Variants in SPATA7 observed in about 807,000 individuals in gnomAD.
SPATA7 encodes spermatogenesis-associated protein 7.
A neutral mutation model predicts 51.8 loss-of-function variants in SPATA7; 43 were observed. The observed-to-expected ratio is 0.83, with a 90% CI of 0.65 to 1.07. The LOEUF (loss-of-function observed/expected upper bound fraction) is 1.07, where lower values mean the gene tolerates loss of function less well. Ranked by LOEUF, SPATA7 falls within the 50% of genes least tolerant of loss-of-function variation. The pLI is 0.00. For missense variants in SPATA7, 683 were observed against 701.3 expected, an observed-to-expected ratio of 0.97 and a Z score of 0.30; for synonymous variants, 230 against 252.8, an observed-to-expected ratio of 0.91 and a Z score of 0.86.
intron 10 of SPATA7, among the ~76,000 whole-genome samples, chr14:88,435,335 G>A (rs914041009): frequency 1.1e-4 from 16 of 151,994 alleles, no homozygotes; most frequent in African/African-American, 3.4e-4. Context: ...TATTTAAGGG[G>A]TACATGAGAT....
intron 4 of SPATA7, among the ~76,000 whole-genome samples, chr14:88,461,338 G>A (rs1461021235): frequency 6.6e-6 from 1 of 152,180 alleles, no homozygotes; most frequent in Non-Finnish European, 1.5e-5. Context: ...AGGCCTCCTT[G>A]AGCTGTGGTG....
chr14:88,459,204 T>G (rs1236857139), downstream of SPATA7, among the ~76,000 whole-genome samples: 1 of 152,212 alleles, frequency 6.6e-6, no homozygotes, highest in African/African-American at 2.4e-5. Flanking sequence ...TTCTGTTGAT[T>G]TGTGGTGGAG....
intron 4 of SPATA7, among the ~76,000 whole-genome samples, chr14:88,461,059 T>C (rs1385823904): frequency 6.6e-6 from 1 of 152,206 alleles, no homozygotes; most frequent in Non-Finnish European, 1.5e-5. Flanking sequence ...TGCCTGATCG[T>C]TCCTCTGGAA....
rs1172159137 is a variant in SPATA7, at chr14:88,393,435, A to G, written c.137A>G (p.Gln46Arg). The G allele has an allele frequency of 6.2e-7, 1 of 1,605,760 alleles. No individual in the cohort carries two copies. Among genetic ancestry groups the G allele is most frequent in the African/African-American group, 1.3e-5 (1 of 74,932 alleles). Residue 46 changes from glutamine to arginine, a missense_variant, in exon 3 of 12, where the codon CAG becomes CGG. By Grantham distance (43) the Gln-to-Arg change is conservative. Coordinates refer to ENST00000393545, the MANE Select transcript of SPATA7 (RefSeq NM_018418.5). ...TCTTCTCTCAGACTAAGCACTCTCC[A>G]GCTGGTCAAGAATCACATGGCTGTT... ...DSSSLRLSTL[Q>R]LVKNHMAVHY...
At chr14:88,448,150 A>G (rs1381014244) in intron 3 of SPATA7, among the ~76,000 whole-genome samples, 2 of 152,074 alleles carry the variant, frequency 1.3e-5, no homozygotes, top group East Asian at 3.9e-4. Context: ...GTCTTTTCAC[A>G]TAGTCCCATA....
intron 5 of SPATA7, among the ~76,000 whole-genome samples, chr14:88,418,611 A>G (rs1295847654): frequency 6.6e-6 from 1 of 152,098 alleles, no homozygotes; most frequent in Non-Finnish European, 1.5e-5. Context: ...AGTAGCTGGG[A>G]CTACAGGTGC....
intron 4 of SPATA7, among the ~76,000 whole-genome samples, chr14:88,415,537 AT>A (rs1008221448): frequency 2.0e-5 from 3 of 151,628 alleles, no homozygotes; most frequent in Admixed American, 6.6e-5. Flanking sequence ...AAATAAAAAA[AT>A]TAAAAAGTGG....
At chr14:88,468,872 C>G (rs762394070) in intron 4 of SPATA7, 2 of 1,612,900 alleles carry the variant, frequency 1.2e-6, no homozygotes, top group Non-Finnish European at 1.7e-6. Flanking sequence ...CTTCCCCAGC[C>G]TCATTTCCAC....
intron 4 of SPATA7, chr14:88,468,312 G>A (rs1460137123): frequency 2.0e-6 from 3 of 1,509,580 alleles, no homozygotes; most frequent in Non-Finnish European, 1.8e-6. Flanking sequence ...CCCCTGGGGA[G>A]ACAGAAAGGA....
chr14:88,468,336 G>C, intron 4 of SPATA7: 1 of 1,430,902 alleles, frequency 7.0e-7, no homozygotes. Flanking sequence ...GAGGACACGA[G>C]TGTCCTGGCA....
chr14:88,391,654 T>C, intron 2 of SPATA7, 199 bp downstream of exon 2: 1 of 638,336 alleles, frequency 1.6e-6, no homozygotes, highest in Non-Finnish European at 2.9e-6. Flanking sequence ...TATTGTGCCC[T>C]GGATGTGGAC....
intron 4 of SPATA7, chr14:88,468,307 G>C (rs366476): frequency 2.6e-6 from 4 of 1,540,156 alleles, no homozygotes; most frequent in Non-Finnish European, 3.5e-6. Flanking sequence ...GTGTTCCCCT[G>C]GGGAGACAGA....
chr14:88,417,919 C>T (rs146044226), intron 5 of SPATA7, among the ~76,000 whole-genome samples: 278 of 152,258 alleles, frequency 1.8e-3, no homozygotes, highest in African/African-American at 6.6e-3. Context: ...TGGAACTCAA[C>T]ATTAAAATTG....
intron 4 of SPATA7, among the ~76,000 whole-genome samples, chr14:88,461,805 T>C (rs527503986): frequency 6.6e-6 from 1 of 152,328 alleles, no homozygotes; most frequent in East Asian, 1.9e-4. Flanking sequence ...TCACTCGCGC[T>C]GGGAGCTGTA....
intron 2 of SPATA7, among the ~76,000 whole-genome samples, chr14:88,392,496 A>G (rs930620537): frequency 6.6e-6 from 1 of 152,208 alleles, no homozygotes; most frequent in Non-Finnish European, 1.5e-5. Context: ...AGAACAATGC[A>G]TGGTAAATGG....
intron 2 of SPATA7, 176 bp downstream of exon 2, chr14:88,391,631 G>A: frequency 1.5e-6 from 1 of 677,266 alleles, no homozygotes; most frequent in Non-Finnish European, 2.7e-6. Flanking sequence ...TGGAGTCTAT[G>A]ATTTCAAACT....
At chr14:88,452,496 TTA>T (rs1266949755) in intron 3 of SPATA7, among the ~76,000 whole-genome samples, 6 of 151,018 alleles carry the variant, frequency 4.0e-5, no homozygotes, top group Non-Finnish European at 8.9e-5. Context: ...TCCCAAGAGA[TTA>T]TGTCCTTTTT....
chr14:88,392,189 A>AGG (rs1190778664), intron 2 of SPATA7, among the ~76,000 whole-genome samples: 2 of 152,172 alleles, frequency 1.3e-5, no homozygotes, highest in African/African-American at 4.8e-5. Context: ...CATAATGATA[A>AGG]ACTTTAAAAA....
intron 2 of SPATA7, among the ~76,000 whole-genome samples, chr14:88,392,712 T>C (rs183841404): frequency 6.6e-6 from 1 of 152,222 alleles, no homozygotes; most frequent in African/African-American, 2.4e-5. Flanking sequence ...TTAACCACAT[T>C]GCGTGTATTA....
Sources: gnomAD v4.1 joint callset for allele counts (sites outside exome capture counted in the v4.1 genomes callset) on GRCh38, gnomAD v4.1.1 for gene constraint, MANE v1.5 for transcripts, NCBI Gene and HGNC (gene_info 2026-07-23, HGNC 2026-07-21) for gene names.